Variants in TOGARAM1 observed in about 807,000 individuals in gnomAD.
The protein encoded by TOGARAM1 is TOG array regulator of axonemal microtubules 1, also known as TOG array regulator of axonemal microtubules protein 1.
A neutral mutation model predicts 166.6 loss-of-function variants in TOGARAM1; 100 were observed. The ratio of observed to expected loss-of-function variants is 0.60; its 90% CI spans 0.51 to 0.71. TOGARAM1 has a LOEUF of 0.71. TOGARAM1 is among the 30% of genes least tolerant of loss of function. TOGARAM1 has a pLI of 0.00. For missense variants in TOGARAM1, 2,029 were observed against 2,102.7 expected, an observed-to-expected ratio of 0.96 and a Z score of 0.69; for synonymous variants, 758 against 763.8, an observed-to-expected ratio of 0.99 and a Z score of 0.13.
chr14:45,003,785 A>C (rs934523363), intron 3 of TOGARAM1, among the ~76,000 whole-genome samples: 3 of 152,208 alleles, frequency 2.0e-5, no homozygotes, highest in Non-Finnish European at 4.4e-5. Context: ...ATATGTATAC[A>C]TATACATGCA....
In TOGARAM1 at chr14:45,074,408, A is replaced by G. The variant is rs931994793; in HGVS notation, c.*847A>G. 4 of 152,562 alleles carry G rather than the reference A, an allele frequency of 2.6e-5. No homozygotes were observed. Among genetic ancestry groups the G allele is most frequent in the African/African-American group, 9.7e-5 (4 of 41,426 alleles). 9.5% of individuals were successfully genotyped at this position (152,562 alleles called of 1,614,324 possible). The stretch of plus-strand genomic sequence containing the variant: ...TCTTTAAAAAGAAAAGGAATGTTAT[A>G]AAATAAAAGGATTTATTTCTTTAGA... On this transcript the variant is annotated 3_prime_UTR_variant, in exon 20 of 20. Coordinates refer to ENST00000361462, the MANE Select transcript of TOGARAM1 (RefSeq NM_001308120.2).
intron 1 of TOGARAM1, chr14:44,978,172 T>C (rs943867521): frequency 1.3e-5 from 2 of 152,152 alleles, no homozygotes; most frequent in African/African-American, 2.4e-5. Flanking sequence ...TAAAAGTAGT[T>C]TGAGAATCAT....
chr14:45,000,358 C>T (rs1285615964), intron 3 of TOGARAM1, among the ~76,000 whole-genome samples: 3 of 152,172 alleles, frequency 2.0e-5, no homozygotes. Context: ...TCTCACTGCC[C>T]TTGCCAGCCT....
rs1478417380 is a variant in TOGARAM1, at chr14:45,015,999, G to T, written c.3238+3924G>T. Among the ~76,000 whole-genome samples the T allele has an allele frequency of 2.6e-5, 4 of 152,096 alleles. No homozygotes were observed. In the East Asian group the frequency reaches 7.7e-4, roughly 29 times the overall value. On this transcript the variant is annotated intron_variant, in intron 7 of 19. Coordinates refer to ENST00000361462, the MANE Select transcript of TOGARAM1 (RefSeq NM_001308120.2). ...CGTTTTTCATGGGAATAGGAGAAAA[G>T]AGAGAAATGGGGAAATAGCTATCTC...
chr14:44,999,012 C>G (rs1237564402), intron 2 of TOGARAM1, among the ~76,000 whole-genome samples: 1 of 152,138 alleles, frequency 6.6e-6, no homozygotes, highest in East Asian at 1.9e-4. Context: ...GGTAATAGAG[C>G]TTTTTGGGTA....
chr14:44,971,247 G>C (rs1457128368), intron 1 of TOGARAM1, among the ~76,000 whole-genome samples: 1 of 152,150 alleles, frequency 6.6e-6, no homozygotes, highest in East Asian at 1.9e-4. Flanking sequence ...TACAGGCCTA[G>C]TCAGATTATC....
intron 1 of TOGARAM1, among the ~76,000 whole-genome samples, chr14:44,972,562 C>T (rs1885943424): frequency 6.6e-6 from 1 of 152,064 alleles, no homozygotes; most frequent in Admixed American, 6.6e-5. Flanking sequence ...TTGTTGGGCA[C>T]ACATTAAGAA....
At chr14:45,033,679 G>A (rs1881284409) in intron 11 of TOGARAM1, among the ~76,000 whole-genome samples, 1 of 152,060 alleles carries the variant, frequency 6.6e-6, no homozygotes, top group Admixed American at 6.6e-5. Context: ...ATCATTTTGA[G>A]CTCTAGACTC....
chr14:45,053,441 TC>T (rs1191597529), intron 15 of TOGARAM1, among the ~76,000 whole-genome samples: 1 of 151,610 alleles, frequency 6.6e-6, no homozygotes, highest in Non-Finnish European at 1.5e-5. Context: ...TGAAAAGTAA[TC>T]TATTTACATA....
In TOGARAM1 at chr14:44,962,509, G is replaced by T. The variant is rs372220648; in HGVS notation, c.88G>T (p.Ala30Ser). 2 of 1,612,732 alleles carry T rather than the reference G, an allele frequency of 1.2e-6. No individual in the cohort carries two copies. The highest frequency in any genetic ancestry group is 1.3e-5 in the African/African-American group (1 of 74,892). ...GCTCCAGAGCCGCAGTCGTCCTTCCGCCCCAGAGACCGATGATAGTCGAGT... is the reference window on the plus strand; with the variant it reads ...GCTCCAGAGCCGCAGTCGTCCTTCCTCCCCAGAGACCGATGATAGTCGAGT... Reference protein sequence around the residue: ...YRLQSRSRPSAPETDDSRVGG... With the variant: ...YRLQSRSRPSSPETDDSRVGG... The change falls in exon 1 of 20, where the codon GCC (alanine) becomes TCC (serine). Residue 30 changes from alanine to serine, a missense_variant. Coordinates refer to ENST00000361462, the MANE Select transcript of TOGARAM1 (RefSeq NM_001308120.2).
Position 45,074,418 on chromosome 14 carries a change from G to T in TOGARAM1, c.*857G>T, listed in dbSNP as rs1164139621. 6.6e-6 allele frequency: 1 copy of T among 152,316 alleles called. No individual in the cohort carries two copies. The highest frequency in any genetic ancestry group is 1.5e-5 in the Non-Finnish European group (1 of 67,980). 9.4% of individuals were successfully genotyped at this position (152,316 alleles called of 1,614,324 possible). ...GAAAAGGAATGTTATAAAATAAAAG[G>T]ATTTATTTCTTTAGATGTGTGAGAG... On this transcript the variant is annotated 3_prime_UTR_variant, in exon 20 of 20. Transcript: ENST00000361462.
At position 45,025,479 on chromosome 14, in the gene TOGARAM1, G is replaced by A. The variant is rs149418864; in HGVS notation, c.3239-304G>A. The A allele has an allele frequency of 5.9e-3, 1,187 of 199,596 alleles. 42 individuals are homozygous for A. In the East Asian group the frequency reaches 0.11, roughly 18 times the overall value. 12.4% of individuals were successfully genotyped at this position (199,596 alleles called of 1,614,324 possible). ...CTCAGGAGGCTGAGGCAGGAGAATC[G>A]CTTGAACCCAGGAGGTGGAGGTAGC... On this transcript the variant is annotated intron_variant, in intron 7 of 19. Transcript: ENST00000361462.
intron 1 of TOGARAM1, among the ~76,000 whole-genome samples, chr14:44,984,208 G>A (rs1317382369): frequency 1.3e-5 from 2 of 151,932 alleles, no homozygotes; most frequent in Non-Finnish European, 1.5e-5. Flanking sequence ...AAGAAAGTGA[G>A]AATATCCATA....
At chr14:45,032,714 C>T (rs1881230979) in intron 11 of TOGARAM1, among the ~76,000 whole-genome samples, 2 of 152,114 alleles carry the variant, frequency 1.3e-5, no homozygotes, top group Admixed American at 1.3e-4. Flanking sequence ...TACTTACCTG[C>T]TCCTATTGTA....
chr14:45,036,016 G>C (rs1232530727), intron 11 of TOGARAM1, among the ~76,000 whole-genome samples: 2 of 149,796 alleles, frequency 1.3e-5, no homozygotes, highest in Non-Finnish European at 3.0e-5. Flanking sequence ...TGTAGTCCCA[G>C]CTAATCAGGA....
At chr14:45,014,523 G>A (rs1469816148) in intron 7 of TOGARAM1, among the ~76,000 whole-genome samples, 1 of 151,892 alleles carries the variant, frequency 6.6e-6, no homozygotes, top group Non-Finnish European at 1.5e-5. Context: ...TTATATATTT[G>A]GGTTTGCTTT....
At chr14:45,041,919 C>T (rs941612232) in intron 11 of TOGARAM1, among the ~76,000 whole-genome samples, 4 of 152,196 alleles carry the variant, frequency 2.6e-5, no homozygotes, top group African/African-American at 7.2e-5. Flanking sequence ...CACACTACTA[C>T]GCCTGGCTAA....
Position 44,993,598 on chromosome 14 carries a change from G to A in TOGARAM1, c.2047-2148G>A, listed in dbSNP as rs140297064. On this transcript the variant is annotated intron_variant, in intron 1 of 19. Coordinates refer to ENST00000361462, the MANE Select transcript of TOGARAM1 (RefSeq NM_001308120.2). ...TTTTACTCTAAACCACTTTTTCTTC[G>A]TTCATTGTTTCGTCCCATCAAAACT... Among the ~76,000 whole-genome samples the A allele has an allele frequency of 1.7e-3, 264 of 151,786 alleles. 2 individuals are homozygous for A. The highest frequency in any genetic ancestry group is 5.9e-3 in the African/African-American group (245 of 41,400).
At position 45,045,904 on chromosome 14, in the gene TOGARAM1, T is replaced by C. The variant is rs368265415; in HGVS notation, c.4155-641T>C. Among the ~76,000 whole-genome samples the C allele has an allele frequency of 2.0e-3, 300 of 151,730 alleles. 2 individuals are homozygous for C. The highest frequency in any genetic ancestry group is 6.4e-3 in the African/African-American group (263 of 41,400). On this transcript the variant is annotated intron_variant, in intron 13 of 19. Transcript: ENST00000361462. ...CATAATGACTTTTCATTTGGGTAGATTCCAAGTAGTAGGATTGCTAGATCA... is the reference window on the plus strand; with the variant it reads ...CATAATGACTTTTCATTTGGGTAGACTCCAAGTAGTAGGATTGCTAGATCA...
Sources: allele counts gnomAD v4.1 joint callset (sites outside exome capture counted in the v4.1 genomes callset), GRCh38; gene constraint gnomAD v4.1.1; transcripts MANE v1.5; gene names NCBI Gene and HGNC (gene_info 2026-07-23, HGNC 2026-07-21).